The following NCKAP5 variants were observed in gnomAD, a reference collection of about 807,000 sequenced individuals.
NCKAP5 encodes nck-associated protein 5.
In NCKAP5, 92 loss-of-function variants were observed where a neutral mutation model predicts 167.0. The ratio of observed to expected loss-of-function variants is 0.55; its 90% confidence interval spans 0.47 to 0.66. The LOEUF (loss-of-function observed/expected upper bound fraction) is 0.66. NCKAP5 is among the 30% of genes least tolerant of loss of function. NCKAP5 has a pLI of 0.00. For missense variants in NCKAP5, 2,378 were observed against 2,315.0 expected, an observed-to-expected ratio of 1.03 and a Z score of -0.56; for synonymous variants, 891 against 877.4, an observed-to-expected ratio of 1.02 and a Z score of -0.27.
the NCKAP5 span, among the ~76,000 whole-genome samples, chr2:133,616,889 T>C: frequency 2.6e-5 from 4 of 152,212 alleles, no homozygotes; most frequent in Non-Finnish European, 5.9e-5. Context: ...TGAACCTTGA[T>C]GTGAAAATCC....
intron 6 of NCKAP5, among the ~76,000 whole-genome samples, chr2:133,004,280 C>A (rs182194475): frequency 6.6e-6 from 1 of 152,126 alleles, no homozygotes; most frequent in Non-Finnish European, 1.5e-5. Context: ...GGTTATTTCC[C>A]TAAATACAGC....
At chr2:133,046,593 G>T (rs1476926672) in intron 6 of NCKAP5, among the ~76,000 whole-genome samples, 1 of 151,948 alleles carries the variant, frequency 6.6e-6, no homozygotes, top group Non-Finnish European at 1.5e-5. Flanking sequence ...TGCCCAGGTT[G>T]GTCTCAAAAT....
At chr2:133,050,791 C>A (rs567746806) in intron 6 of NCKAP5, among the ~76,000 whole-genome samples, 39 of 152,264 alleles carry the variant, frequency 2.6e-4, no homozygotes, top group Admixed American at 2.3e-3. Flanking sequence ...GAGTGATGAA[C>A]TGAATAAAAG....
chr2:132,703,936 T>C (rs1218667087), intron 19 of NCKAP5, among the ~76,000 whole-genome samples: 4 of 152,198 alleles, frequency 2.6e-5, no homozygotes, highest in African/African-American at 9.6e-5. Flanking sequence ...ATCTAAGTTC[T>C]GATGTGCCAG....
the NCKAP5 span, among the ~76,000 whole-genome samples, chr2:133,591,848 G>A: frequency 2.1e-3 from 320 of 152,236 alleles, 1 homozygote; most frequent in African/African-American, 7.3e-3. Context: ...CATAAAAGCA[G>A]TTCATGTTTA....
At chr2:133,588,798 A>G in the NCKAP5 span, among the ~76,000 whole-genome samples, 2 of 152,188 alleles carry the variant, frequency 1.3e-5, no homozygotes, top group Non-Finnish European at 2.9e-5. Context: ...ATTTAAGTAG[A>G]CTTGAAAGGA....
chr2:133,658,932 T>TA, the NCKAP5 span, among the ~76,000 whole-genome samples: 4 of 151,962 alleles, frequency 2.6e-5, no homozygotes, highest in African/African-American at 9.7e-5. Context: ...TATGAGCTTT[T>TA]AAAAAATAAG....
intron 4 of NCKAP5, among the ~76,000 whole-genome samples, chr2:133,223,047 A>C (rs1421838135): frequency 1.3e-5 from 2 of 152,108 alleles, no homozygotes; most frequent in Non-Finnish European, 2.9e-5. Flanking sequence ...AAATACTATA[A>C]ATCCACATTT....
rs143456883 is a variant in NCKAP5 at position 133,091,704 on chromosome 2, G to A, written c.341+38274C>T. On this transcript the variant is annotated intron_variant, in intron 6 of 19. Coordinates refer to ENST00000409261, the MANE Select transcript of NCKAP5 (RefSeq NM_207363.3). ...AGATCGAGACCATCCTGACTAACAC[G>A]GTGAAAACCCGTCTCTACCAAAAAT... Among the ~76,000 whole-genome samples, 896 of 152,144 alleles carry A rather than the reference G, an allele frequency of 5.9e-3. 3 individuals are homozygous for A. The highest frequency in any genetic ancestry group is 0.02 in the African/African-American group (839 of 41,488).
At chr2:132,891,349 A>G (rs1692695241) in intron 8 of NCKAP5, among the ~76,000 whole-genome samples, 1 of 152,210 alleles carries the variant, frequency 6.6e-6, no homozygotes. Context: ...GCCTGGGAAC[A>G]GCACTTTGAG....
intron 8 of NCKAP5, among the ~76,000 whole-genome samples, chr2:132,932,749 T>C (rs1281773007): frequency 6.6e-6 from 1 of 151,848 alleles, no homozygotes; most frequent in East Asian, 1.9e-4. Flanking sequence ...AAAGAACACA[T>C]AGAAAAAAAC....
At chr2:133,640,610 T>C in the NCKAP5 span, among the ~76,000 whole-genome samples, 1 of 152,214 alleles carries the variant, frequency 6.6e-6, no homozygotes, top group Non-Finnish European at 1.5e-5. Flanking sequence ...ATCACTTCAC[T>C]TACAAATAAA....
intron 3 of NCKAP5, among the ~76,000 whole-genome samples, chr2:133,325,635 T>G (rs1031330275): frequency 6.6e-6 from 1 of 152,184 alleles, no homozygotes; most frequent in African/African-American, 2.4e-5. Context: ...CCCCCTTCCT[T>G]GTGGGGATCA....
intron 16 of NCKAP5, among the ~76,000 whole-genome samples, chr2:132,759,787 T>A (rs1409416036): frequency 6.6e-6 from 1 of 152,060 alleles, no homozygotes; most frequent in East Asian, 1.9e-4. Flanking sequence ...TAACTAGAGA[T>A]TTTAGTCTAT....
chr2:133,610,784 G>T, the NCKAP5 span, among the ~76,000 whole-genome samples: 1 of 152,072 alleles, frequency 6.6e-6, no homozygotes, highest in Non-Finnish European at 1.5e-5. Flanking sequence ...TAGAGCTATG[G>T]ATTATTTTAT....
chr2:133,201,440 G>C (rs2085681538), intron 5 of NCKAP5, among the ~76,000 whole-genome samples: 2 of 152,120 alleles, frequency 1.3e-5, no homozygotes, highest in South Asian at 4.1e-4. Flanking sequence ...TTAGGTTGAA[G>C]TAAAGAAGCC....
intron 6 of NCKAP5, among the ~76,000 whole-genome samples, chr2:133,032,610 G>A (rs1319053898): frequency 1.3e-5 from 2 of 152,184 alleles, no homozygotes; most frequent in Non-Finnish European, 2.9e-5. Context: ...CAAGGGCTTT[G>A]AGAAGATACA....
chr2:132,982,272 CT>C, intron 7 of NCKAP5, among the ~76,000 whole-genome samples: 1 of 152,270 alleles, frequency 6.6e-6, no homozygotes, highest in East Asian at 1.9e-4. Flanking sequence ...AAATCTTTCC[CT>C]TTAGCCTCAC....
chr2:133,630,853 C>T, the NCKAP5 span, among the ~76,000 whole-genome samples: 3 of 152,266 alleles, frequency 2.0e-5, no homozygotes, highest in Admixed American at 6.5e-5. Flanking sequence ...AGAGATGGCC[C>T]ATCTCCTCCA....
Sources: allele counts gnomAD v4.1 joint callset (sites outside exome capture counted in the v4.1 genomes callset), GRCh38; gene constraint gnomAD v4.1.1; transcripts MANE v1.5; gene names NCBI Gene and HGNC (gene_info 2026-07-23, HGNC 2026-07-21).